EYS: variants seen among roughly 807,000 people sequenced by gnomAD.
EYS encodes the protein protein eyes shut homolog.
A neutral mutation model predicts 282.1 loss-of-function variants in EYS; 250 were observed. The observed-to-expected ratio is 0.89, with a 90% CI of 0.80 to 0.98. The LOEUF (loss-of-function observed/expected upper bound fraction) is 0.98, where lower values mean the gene tolerates loss of function less well. EYS is among the 50% of genes least tolerant of loss of function. The pLI is 0.00. For synonymous variants in EYS, 1,355 were observed against 1,282.9 expected (o/e 1.06, Z -1.20); for missense variants, 4,016 against 3,709.0 (o/e 1.08, Z -2.15).
intron 26 of EYS, among the ~76,000 whole-genome samples, chr6:64,582,264 A>G (rs1024473798): frequency 1.2e-4 from 19 of 152,274 alleles, no homozygotes; most frequent in Non-Finnish European, 2.4e-4. Flanking sequence ...CTCCTATCAG[A>G]TCAACAGCCA....
At chr6:65,289,646 G>C (rs1324393555) in intron 12 of EYS, among the ~76,000 whole-genome samples, 2 of 151,044 alleles carry the variant, frequency 1.3e-5, no homozygotes, top group East Asian at 3.9e-4. Flanking sequence ...CACATGCTAA[G>C]CCAAGCATAA....
intron 15 of EYS, among the ~76,000 whole-genome samples, chr6:64,921,564 T>C (rs1217775848): frequency 1.3e-5 from 2 of 152,204 alleles, no homozygotes; most frequent in Non-Finnish European, 2.9e-5. Context: ...AGACTCTTCC[T>C]GGTACTTAGT....
At chr6:64,346,027 GTGA>G (rs1211082358) in intron 29 of EYS, among the ~76,000 whole-genome samples, 2 of 152,060 alleles carry the variant, frequency 1.3e-5, no homozygotes, top group African/African-American at 4.8e-5. Context: ...GGTTAGAATG[GTGA>G]TCATTAAAAA....
At chr6:65,141,976 C>A (rs1317199803) in intron 12 of EYS, among the ~76,000 whole-genome samples, 2 of 151,922 alleles carry the variant, frequency 1.3e-5, no homozygotes, top group African/African-American at 4.8e-5. Flanking sequence ...AACCTTGGAA[C>A]CCCAAGAAGA....
intron 37 of EYS, among the ~76,000 whole-genome samples, chr6:63,799,023 T>TATATATATAA (rs1770720355): frequency 2.0e-5 from 2 of 100,904 alleles, no homozygotes; most frequent in African/African-American, 4.3e-5. Flanking sequence ...ATATATATAA[T>TATATATATAA]TTTTTTTTTT....
In EYS at chr6:64,625,444, C is replaced by A. The variant is rs375851082; in HGVS notation, c.3568+677G>T. ...GTACAAGAACAAGTTGATGACAGATCCTGTGTCTGTGGAGAGCCTGCTTCT... is the reference window on the plus strand; with the variant it reads ...GTACAAGAACAAGTTGATGACAGATACTGTGTCTGTGGAGAGCCTGCTTCT... On this transcript the variant is annotated intron_variant, in intron 23 of 42. Coordinates refer to ENST00000503581, the MANE Select transcript of EYS (RefSeq NM_001142800.2). Among the ~76,000 whole-genome samples, 11 of 152,276 alleles carry A rather than the reference C, an allele frequency of 7.2e-5. No homozygotes were observed. In the East Asian group the frequency reaches 2.1e-3, roughly 29 times the overall value.
intron 32 of EYS, among the ~76,000 whole-genome samples, chr6:64,067,423 ATGT>A (rs1264785707): frequency 3.9e-5 from 6 of 152,202 alleles, no homozygotes; most frequent in Middle Eastern, 3.4e-3. Context: ...CACTATCTTG[ATGT>A]TTAACAGCTA....
At chr6:64,115,925 A>C (rs924844303) in intron 31 of EYS, among the ~76,000 whole-genome samples, 1 of 152,172 alleles carries the variant, frequency 6.6e-6, no homozygotes, top group Non-Finnish European at 1.5e-5. Context: ...AAGCAATGGC[A>C]AAACCCACAA....
At chr6:64,578,855 G>T (rs1282084767) in intron 26 of EYS, among the ~76,000 whole-genome samples, 1 of 152,008 alleles carries the variant, frequency 6.6e-6, no homozygotes, top group Non-Finnish European at 1.5e-5. Context: ...ACACTGTTGA[G>T]GGGTTTAAGT....
chr6:64,064,165 A>T (rs1257256039), intron 33 of EYS, among the ~76,000 whole-genome samples: 2 of 152,122 alleles, frequency 1.3e-5, no homozygotes, highest in Non-Finnish European at 2.9e-5. Context: ...ATCTCAAATT[A>T]TTCCTTTATT....
At chr6:64,392,920 A>G (rs1409247035) in intron 28 of EYS, among the ~76,000 whole-genome samples, 1 of 152,120 alleles carries the variant, frequency 6.6e-6, no homozygotes, top group Non-Finnish European at 1.5e-5. Flanking sequence ...AATCAAATAG[A>G]CGCAATAAAA....
chr6:64,774,764 A>T (rs1236125154), intron 22 of EYS, among the ~76,000 whole-genome samples: 1 of 151,838 alleles, frequency 6.6e-6, no homozygotes. Flanking sequence ...TGTAAAATTT[A>T]CTTTTCTCAG....
intron 7 of EYS, among the ~76,000 whole-genome samples, chr6:65,393,765 G>A (rs1415341345): frequency 6.6e-6 from 1 of 151,616 alleles, no homozygotes; most frequent in African/African-American, 2.4e-5. Context: ...GATGGGGGTG[G>A]GGGAAGTTAT....
intron 5 of EYS, among the ~76,000 whole-genome samples, chr6:65,438,907 A>T (rs1303554789): frequency 4.6e-5 from 7 of 152,026 alleles, no homozygotes; most frequent in Non-Finnish European, 1.5e-5. Flanking sequence ...GCTTTTGGTG[A>T]TTTAGACATG....
chr6:65,300,403 A>G (rs921162449), intron 11 of EYS, among the ~76,000 whole-genome samples: 7 of 152,172 alleles, frequency 4.6e-5, no homozygotes, highest in Admixed American at 2.6e-4. Flanking sequence ...ATGTTCACAT[A>G]TTGTAGATCT....
intron 15 of EYS, among the ~76,000 whole-genome samples, chr6:64,944,624 C>T (rs530503830): frequency 6.6e-6 from 1 of 152,114 alleles, no homozygotes; most frequent in South Asian, 2.1e-4. Context: ...CTGACCGTCC[C>T]CCAGCCCAAC....
chr6:65,533,700 C>T (rs1482356575), intron 2 of EYS, among the ~76,000 whole-genome samples: 1 of 152,112 alleles, frequency 6.6e-6, no homozygotes, highest in African/African-American at 2.4e-5. Flanking sequence ...TATGAGGACA[C>T]ATAGAAGATG....
chr6:65,688,462 C>T (rs1258652951), intron 1 of EYS, among the ~76,000 whole-genome samples: 1 of 152,082 alleles, frequency 6.6e-6, no homozygotes, highest in Non-Finnish European at 1.5e-5. Context: ...AAATGTTAGA[C>T]CTAAAACCAT....
chr6:64,061,485 G>A (rs1034831431), intron 33 of EYS, among the ~76,000 whole-genome samples: 3 of 152,120 alleles, frequency 2.0e-5, no homozygotes, highest in Non-Finnish European at 4.4e-5. Context: ...TTTCATTTAA[G>A]AAGAACTTCT....
Sources: allele counts gnomAD v4.1 joint callset (sites outside exome capture counted in the v4.1 genomes callset), GRCh38; gene constraint gnomAD v4.1.1; transcripts MANE v1.5; gene names NCBI Gene and HGNC (gene_info 2026-07-23, HGNC 2026-07-21).